CPQ: variants seen among roughly 807,000 people sequenced by gnomAD.
The protein encoded by CPQ is carboxypeptidase Q.
CPQ carries 37 observed loss-of-function variants against 45.7 expected under a neutral mutation model. The ratio of observed to expected loss-of-function variants is 0.81; its 90% CI spans 0.62 to 1.07. The LOEUF (loss-of-function observed/expected upper bound fraction) is 1.07. Ranked by LOEUF, CPQ falls within the 50% of genes least tolerant of loss-of-function variation. The probability of loss-of-function intolerance (pLI) is 0.00; values close to 1 mark genes in which losing one functional copy is unlikely to be tolerated. For synonymous variants in CPQ, 186 were observed against 205.8 expected (o/e 0.90, Z 0.82); for missense variants, 537 against 572.9 (o/e 0.94, Z 0.64).
At chr8:97,031,098 G>A (rs533939263) in intron 6 of CPQ, among the ~76,000 whole-genome samples, 14 of 151,962 alleles carry the variant, frequency 9.2e-5, no homozygotes, top group Admixed American at 9.2e-4. Flanking sequence ...TATCCTCGAG[G>A]CAAGAGAGTA....
chr8:97,112,151 ATTTT>A (rs548377824), intron 7 of CPQ, among the ~76,000 whole-genome samples: 8 of 141,284 alleles, frequency 5.7e-5, no homozygotes, highest in South Asian at 2.3e-4. Context: ...TATTATTTTT[ATTTT>A]TTTTTTATTT....
chr8:97,114,237 C>A (rs1042850056), intron 7 of CPQ, among the ~76,000 whole-genome samples: 1 of 152,136 alleles, frequency 6.6e-6, no homozygotes, highest in Admixed American at 6.5e-5. Context: ...GTAGTTGGCA[C>A]GTGGTTGGTG....
At chr8:97,044,797 C>T (rs531226268) in intron 6 of CPQ, among the ~76,000 whole-genome samples, 23 of 152,282 alleles carry the variant, frequency 1.5e-4, no homozygotes, top group East Asian at 9.7e-4. Flanking sequence ...TGCAGAACAG[C>T]GGATTTTCGT....
At chr8:96,986,829 A>C (rs1808991645) in intron 5 of CPQ, among the ~76,000 whole-genome samples, 1 of 152,156 alleles carries the variant, frequency 6.6e-6, no homozygotes, top group African/African-American at 2.4e-5. Context: ...CATCTGATAT[A>C]CCCCTATGTA....
chr8:96,703,484 A>G (rs979971362), intron 1 of CPQ, among the ~76,000 whole-genome samples: 2 of 152,170 alleles, frequency 1.3e-5, no homozygotes, highest in African/African-American at 2.4e-5. Context: ...AATCTAGTCT[A>G]GTACTTTACA....
chr8:96,653,871 A>G (rs1815606333), intron 1 of CPQ, among the ~76,000 whole-genome samples: 1 of 152,164 alleles, frequency 6.6e-6, no homozygotes, highest in Non-Finnish European at 1.5e-5. Context: ...GAGGAGAGGC[A>G]GGCCCACTTG....
At chr8:96,715,706 A>G (rs1440134172) in intron 1 of CPQ, among the ~76,000 whole-genome samples, 1 of 152,096 alleles carries the variant, frequency 6.6e-6, no homozygotes, top group Non-Finnish European at 1.5e-5. Context: ...ACTTCCCACA[A>G]GCAGAAAGTT....
chr8:96,745,962 C>T (rs2130782521), intron 1 of CPQ, among the ~76,000 whole-genome samples: 1 of 152,252 alleles, frequency 6.6e-6, no homozygotes, highest in African/African-American at 2.4e-5. Context: ...TTTCAGTTTC[C>T]ATGAGGTTAT....
intron 2 of CPQ, among the ~76,000 whole-genome samples, chr8:96,827,990 A>G (rs1009473867): frequency 6.6e-6 from 1 of 152,112 alleles, no homozygotes; most frequent in Non-Finnish European, 1.5e-5. Flanking sequence ...GAATGATCTG[A>G]TGACTAAATT....
intron 4 of CPQ, among the ~76,000 whole-genome samples, chr8:96,891,827 G>A (rs138551334): frequency 3.3e-4 from 51 of 152,318 alleles, no homozygotes; most frequent in African/African-American, 1.1e-3. Flanking sequence ...CAGTATGGCA[G>A]CTACATGCTT....
intron 6 of CPQ, among the ~76,000 whole-genome samples, chr8:97,045,879 A>G (rs1810247259): frequency 6.6e-6 from 1 of 152,222 alleles, no homozygotes; most frequent in South Asian, 2.1e-4. Flanking sequence ...CAATGCCAGA[A>G]AGCAGCTCCT....
At chr8:96,892,018 G>A (rs535219643) in intron 4 of CPQ, among the ~76,000 whole-genome samples, 1 of 152,280 alleles carries the variant, frequency 6.6e-6, no homozygotes, top group East Asian at 1.9e-4. Flanking sequence ...GAAGAGTAGT[G>A]TTACTCTTTT....
chr8:96,712,997 A>G (rs1162473538), intron 1 of CPQ, among the ~76,000 whole-genome samples: 6 of 152,060 alleles, frequency 3.9e-5, no homozygotes, highest in Non-Finnish European at 7.4e-5. Context: ...ATCTCTCTCA[A>G]GTTCAAAGTT....
intron 1 of CPQ, among the ~76,000 whole-genome samples, chr8:96,744,919 C>A (rs935597779): frequency 1.3e-5 from 2 of 152,148 alleles, no homozygotes; most frequent in African/African-American, 2.4e-5. Flanking sequence ...GATGTTACAG[C>A]CACTGAATCA....
At chr8:97,126,053 C>A (rs1286769348) in intron 7 of CPQ, among the ~76,000 whole-genome samples, 1 of 152,076 alleles carries the variant, frequency 6.6e-6, no homozygotes, top group Non-Finnish European at 1.5e-5. Flanking sequence ...CTGTAGTTAA[C>A]TATGTGTGTA....
At chr8:96,701,561 C>T (rs981780262) in intron 1 of CPQ, among the ~76,000 whole-genome samples, 1 of 151,552 alleles carries the variant, frequency 6.6e-6, no homozygotes, top group African/African-American at 2.4e-5. Flanking sequence ...TAACTGGAAG[C>T]GCATACTAGA....
At chr8:96,663,820 G>A (rs537520739) in intron 1 of CPQ, among the ~76,000 whole-genome samples, 1 of 152,154 alleles carries the variant, frequency 6.6e-6, no homozygotes, top group South Asian at 2.1e-4. Context: ...AAGTCTCTGT[G>A]ACTGGAAGAG....
At chr8:97,012,848 C>G (rs1809513789) in intron 5 of CPQ, among the ~76,000 whole-genome samples, 1 of 152,100 alleles carries the variant, frequency 6.6e-6, no homozygotes, top group Non-Finnish European at 1.5e-5. Flanking sequence ...CATGTAAACA[C>G]CTCGCAGTTT....
intron 1 of CPQ, among the ~76,000 whole-genome samples, chr8:96,728,910 A>G (rs1809876222): frequency 6.6e-6 from 1 of 152,124 alleles, no homozygotes; most frequent in African/African-American, 2.4e-5. Flanking sequence ...CCTAAGGAAG[A>G]CTAGGTTAGA....
Sources: gnomAD v4.1 joint callset for allele counts (sites outside exome capture counted in the v4.1 genomes callset) on GRCh38, gnomAD v4.1.1 for gene constraint, MANE v1.5 for transcripts, NCBI Gene and HGNC (gene_info 2026-07-23, HGNC 2026-07-21) for gene names.